CEP85L: variants seen among roughly 807,000 people sequenced by gnomAD.
The protein encoded by CEP85L is centrosomal protein 85L, also known as centrosomal protein of 85 kDa-like.
A neutral mutation model predicts 100.3 loss-of-function variants in CEP85L; 60 were observed. That is an observed-to-expected ratio of 0.60 (90% CI 0.49 to 0.74). The LOEUF is 0.74. CEP85L is among the 30% of genes least tolerant of loss of function. CEP85L has a pLI of 0.00. For missense variants in CEP85L, 973 were observed against 936.2 expected, an observed-to-expected ratio of 1.04 and a Z score of -0.51; for synonymous variants, 319 against 322.7, an observed-to-expected ratio of 0.99 and a Z score of 0.12.
At chr6:118,606,735 G>C (rs148153666) in intron 2 of CEP85L, among the ~76,000 whole-genome samples, 4 of 152,142 alleles carry the variant, frequency 2.6e-5, no homozygotes, top group African/African-American at 9.7e-5. Flanking sequence ...CTTGAAAAGC[G>C]GGCTTACAGG....
intron 1 of CEP85L, among the ~76,000 whole-genome samples, chr6:118,642,864 C>A (rs1774967634): frequency 6.6e-6 from 1 of 152,166 alleles, no homozygotes; most frequent in South Asian, 2.1e-4. Flanking sequence ...GCACTCCAGC[C>A]TGGGTGACAG....
intron 5 of CEP85L, among the ~76,000 whole-genome samples, chr6:118,494,132 G>A (rs144662223): frequency 2.0e-5 from 3 of 152,316 alleles, no homozygotes; most frequent in Non-Finnish European, 2.9e-5. Flanking sequence ...AAACCCATTA[G>A]TAGAAGAGCC....
In CEP85L at chr6:118,469,194, A is replaced by G; in HGVS notation, c.2132T>C (p.Val711Ala). The G allele has an allele frequency of 1.9e-6, 3 of 1,614,090 alleles. No homozygotes were observed. The highest frequency in any genetic ancestry group is 2.5e-6 in the Non-Finnish European group (3 of 1,179,932). Residue 711 changes from valine (V) to alanine (A), a missense_variant, in exon 12 of 13, where the codon GTG (valine) becomes GCG (alanine). Val to Ala is a moderately conservative substitution (Grantham distance 64). This residue lies in a region of CEP85L where 890 missense variants were observed against 844.5 expected (regional missense o/e 1.05). Transcript: ENST00000368491. ...LSKRPLFDLT[V>A]IDQLFKEMSC... ...CATTTCCTTGAACAGCTGATCAATCACAGTCAAATCAAATAGTGGCCGTTT... is the reference window on the plus strand; with the variant it reads ...CATTTCCTTGAACAGCTGATCAATCGCAGTCAAATCAAATAGTGGCCGTTT...
intron 5 of CEP85L, among the ~76,000 whole-genome samples, chr6:118,509,560 T>C (rs1299910203): frequency 3.3e-5 from 5 of 152,068 alleles, no homozygotes; most frequent in Admixed American, 6.6e-5. Flanking sequence ...AATCTGATAG[T>C]TATTTTCTCA....
chr6:118,506,441 C>T (rs546090363), intron 5 of CEP85L, among the ~76,000 whole-genome samples: 1 of 152,262 alleles, frequency 6.6e-6, no homozygotes, highest in South Asian at 2.1e-4. Context: ...GAAGGAAGTG[C>T]ACTTCTCAAG....
At chr6:118,563,109 G>C (rs1779318137) in intron 3 of CEP85L, among the ~76,000 whole-genome samples, 1 of 152,202 alleles carries the variant, frequency 6.6e-6, no homozygotes, top group African/African-American at 2.4e-5. Context: ...ACCGAGGAAA[G>C]AGTCAAAGAC....
chr6:118,601,414 C>G (rs1781782347), intron 2 of CEP85L, among the ~76,000 whole-genome samples: 1 of 152,212 alleles, frequency 6.6e-6, no homozygotes, highest in East Asian at 1.9e-4. Context: ...ACTGTCGCTT[C>G]ACTGTGACTG....
In CEP85L at chr6:118,501,809, T is replaced by TGAGA. The variant is rs35783390; in HGVS notation, c.1257+9485_1257+9488dup. Reference sequence around the variant, plus strand: ...AGTGGGGAGGATGGAGGCTGCTGGCTGAGAGAGAGAGAGAGAGAGAGAGGA... The same window carrying TGAGA: ...AGTGGGGAGGATGGAGGCTGCTGGCTGAGAGAGAGAGAGAGAGAGAGAGAGAGGA... On this transcript the variant is annotated intron_variant, in intron 5 of 12. Coordinates refer to ENST00000368491, the MANE Select transcript of CEP85L (RefSeq NM_001042475.3). The TGAGA allele has an allele frequency of 7.0e-4, 745 of 1,064,966 alleles. 2 individuals carry two copies. The African/African-American group carries it at 9.5e-3, about 14-fold the overall frequency. The allele number at this position is 1,064,966 out of a possible 1,614,324, so 66.0% of individuals were successfully genotyped here. A position where few individuals can be genotyped will look rare whatever the true frequency, so the allele number is the denominator to read the frequency against.
intron 1 of CEP85L, among the ~76,000 whole-genome samples, chr6:118,698,917 G>A (rs1351661510): frequency 1.3e-5 from 2 of 152,154 alleles, no homozygotes; most frequent in African/African-American, 4.8e-5. Flanking sequence ...CATGATAACT[G>A]TGTTAAACTC....
chr6:118,559,063 ATCGTGAT>A (rs1166620283), intron 3 of CEP85L: 1 of 1,611,828 alleles, frequency 6.2e-7, no homozygotes, highest in Non-Finnish European at 8.5e-7. Context: ...GATCTGTATC[ATCGTGAT>A]GCTTCTCTGA....
At position 118,465,673 on chromosome 6, in the gene CEP85L, T is replaced by C. The variant is rs1475275279; in HGVS notation, c.2255-105A>G. Reference sequence around the variant, plus strand: ...TGGAAATACAGTGCTACACACTGAATACCAGTGAGGCTCAGGTTCAAGTTA... The same window carrying C: ...TGGAAATACAGTGCTACACACTGAACACCAGTGAGGCTCAGGTTCAAGTTA... On this transcript the variant is annotated intron_variant, in intron 12 of 12. Transcript: ENST00000368491. 9.2e-6 allele frequency: 9 copies of C among 980,602 alleles called. No homozygotes were observed. In the East Asian group the frequency reaches 1.7e-4, roughly 19 times the overall value. 60.7% of individuals were successfully genotyped at this position (980,602 alleles called of 1,614,324 possible).
chr6:118,604,376 ATC>A (rs1218926142), intron 2 of CEP85L, among the ~76,000 whole-genome samples: 1 of 152,170 alleles, frequency 6.6e-6, no homozygotes, highest in Non-Finnish European at 1.5e-5. Flanking sequence ...CACACACAGA[ATC>A]TCTCTCAATT....
At chr6:118,622,368 G>C (rs543145258) in intron 2 of CEP85L, among the ~76,000 whole-genome samples, 3 of 152,326 alleles carry the variant, frequency 2.0e-5, no homozygotes, top group African/African-American at 7.2e-5. Context: ...CCAGAGGATG[G>C]GGAGCCAATT....
intron 3 of CEP85L, among the ~76,000 whole-genome samples, chr6:118,545,638 CA>C (rs1471014930): frequency 6.6e-6 from 1 of 152,042 alleles, no homozygotes; most frequent in East Asian, 1.9e-4. Context: ...TAAAATGCTA[CA>C]AAACTATATA....
intron 2 of CEP85L, among the ~76,000 whole-genome samples, chr6:118,568,854 T>C (rs922527399): frequency 6.6e-6 from 1 of 152,126 alleles, no homozygotes; most frequent in African/African-American, 2.4e-5. Context: ...TATTCACATA[T>C]TATAGCATTA....
intron 10 of CEP85L, among the ~76,000 whole-genome samples, chr6:118,472,899 C>T (rs1176338809): frequency 1.3e-5 from 2 of 152,140 alleles, no homozygotes; most frequent in African/African-American, 2.4e-5. Context: ...TGAAGTTGAA[C>T]AGTGGAAATA....
intron 5 of CEP85L, chr6:118,502,057 C>T: frequency 1.2e-6 from 1 of 845,890 alleles, no homozygotes; most frequent in Non-Finnish European, 2.0e-6. Flanking sequence ...ACTGGGACTT[C>T]CCCATCCTGT....
intron 2 of CEP85L, among the ~76,000 whole-genome samples, chr6:118,596,945 CGTGGG>C (rs1781485825): frequency 6.6e-6 from 1 of 152,176 alleles, no homozygotes; most frequent in Non-Finnish European, 1.5e-5. Flanking sequence ...CCCCACATGT[CGTGGG>C]AGGGACCCAG....
rs751698371 is a variant in CEP85L at position 118,709,556 on chromosome 6, T to TGTGTGTGTGAGAGA, written c.-28+479_-28+480insTCTCTCACACACAC. 2.6e-3 allele frequency among the ~76,000 whole-genome samples: 370 copies of TGTGTGTGTGAGAGA among 142,310 alleles called. 2 individuals carry two copies. Among genetic ancestry groups the TGTGTGTGTGAGAGA allele is most frequent in the African/African-American group, 9.3e-3 (330 of 35,574 alleles). The allele number at this position is 142,310 out of a possible 152,430, so 93.4% of individuals were successfully genotyped here. A position where few individuals can be genotyped will look rare whatever the true frequency, so the allele number is the denominator to read the frequency against. ...GCGTGTGTGTGTGTGTGTGTGTGTGTGAGAGAGAGAGAGAGAGAGAGAGAG... is the reference window on the plus strand; with the variant it reads ...GCGTGTGTGTGTGTGTGTGTGTGTGTGTGTGTGTGAGAGAGAGAGAGAGAGAGAGAGAGAGAGAG... On this transcript the variant is annotated intron_variant, in intron 1 of 13. Coordinates refer to the CEP85L transcript ENST00000368488.
Sources: gnomAD v4.1 joint callset for allele counts (sites outside exome capture counted in the v4.1 genomes callset) on GRCh38, gnomAD v4.1.1 for gene constraint, gnomAD v4.1.1 regional missense constraint, MANE v1.5 for transcripts, NCBI Gene and HGNC (gene_info 2026-07-23, HGNC 2026-07-21) for gene names.